TYRO3: variants seen among roughly 807,000 people sequenced by gnomAD.
The protein encoded by TYRO3 is tyrosine-protein kinase receptor TYRO3.
In TYRO3, 38 loss-of-function variants were observed where a neutral mutation model predicts 95.2. The observed-to-expected ratio is 0.40, with a 90% CI of 0.31 to 0.52. TYRO3 has a LOEUF of 0.52. Among genes scored for constraint, TYRO3 ranks in the 20% least tolerant of loss-of-function variants. The probability of loss-of-function intolerance (pLI) is 0.56; values close to 1 mark genes in which losing one functional copy is unlikely to be tolerated. For missense variants in TYRO3, 812 were observed against 1,116.4 expected, an observed-to-expected ratio of 0.73 and a Z score of 3.89; for synonymous variants, 367 against 432.9, an observed-to-expected ratio of 0.85 and a Z score of 1.89.
chr15:41,567,284 C>T, intron 6 of TYRO3, 76 bp from the exon 7 acceptor site: 1 of 1,293,750 alleles, frequency 7.7e-7, no homozygotes, highest in Non-Finnish European at 1.0e-6. Flanking sequence ...CATTCAAGCA[C>T]CCATAACTAT....
intron 3 of TYRO3, chr15:41,562,036 T>C (rs1011332940): frequency 5.5e-6 from 1 of 180,380 alleles, no homozygotes; most frequent in Non-Finnish European, 1.1e-5. Context: ...CAAAGGGCCC[T>C]GAATGGGAGC....
At chr15:41,561,016 G>A in intron 1 of TYRO3, 111 bp from the exon 2 acceptor site, 1 of 1,313,792 alleles carries the variant, frequency 7.6e-7, no homozygotes, top group Non-Finnish European at 1.1e-6. Context: ...GACTTTGGCT[G>A]AGAAAGAGCC....
chr15:41,562,250 C>G (rs1183840302), intron 3 of TYRO3: 1 of 253,672 alleles, frequency 3.9e-6, no homozygotes, highest in African/African-American at 2.4e-5. Context: ...ACTCCGGAGG[C>G]TAAGGCCAGA....
chr15:41,573,565 T>C, intron 17 of TYRO3, 98 bp downstream of exon 17: 1 of 1,491,300 alleles, frequency 6.7e-7, no homozygotes, highest in Admixed American at 1.8e-5. Context: ...TGGGGTTTGG[T>C]TGCCCCCTGA....
In TYRO3 at chr15:41,572,445, G is replaced by A. The variant is rs762188957; in HGVS notation, c.1756G>A (p.Val586Ile). The A allele has an allele frequency of 1.2e-6, 2 of 1,614,132 alleles. No individual in the cohort carries two copies. The highest frequency in any genetic ancestry group is 2.2e-5 in the East Asian group (1 of 44,878). Residue 586 changes from valine (V) to isoleucine (I), a missense_variant and splice_region_variant, in exon 15 of 19, where the codon GTA becomes ATA. By Grantham distance (29) the Val-to-Ile change is conservative. Transcript: ENST00000263798. ...DHPHVAKLVG[V>I]SLRSRAKGRL... is the part of the protein sequence containing the mutation. ...CTCCTGACTCTCCCTTGTCCCAGGGGTAAGCCTCCGGAGCAGGGCTAAAGG... is the reference window on the plus strand; with the variant it reads ...CTCCTGACTCTCCCTTGTCCCAGGGATAAGCCTCCGGAGCAGGGCTAAAGG...
chr15:41,570,330 C>T lies in TYRO3; in HGVS notation c.1473C>T (p.Ile491=), dbSNP rs948937737. ...RSFNRERPER[I]EATLDSLGIS... is the part of the protein sequence containing the mutation. The stretch of plus-strand genomic sequence containing the variant: ...TCAATCGAGAAAGGCCCGAGCGCAT[C>T]GAGGCCACATGTGAGTGGTGGGTGA... Residue 491 remains isoleucine (I), a synonymous_variant, in exon 11 of 19, where the codon ATC becomes ATT. Coordinates refer to ENST00000263798, the MANE Select transcript of TYRO3 (RefSeq NM_006293.4). 34 of 1,614,014 alleles carry T rather than the reference C, an allele frequency of 2.1e-5. No homozygotes were observed. Among genetic ancestry groups the T allele is most frequent in the Non-Finnish European group, 2.5e-5 (29 of 1,179,966 alleles).
At chr15:41,573,606 T>C in intron 17 of TYRO3, 73 bp from the exon 18 acceptor site, 1 of 1,447,008 alleles carries the variant, frequency 6.9e-7, no homozygotes, top group Non-Finnish European at 9.4e-7. Flanking sequence ...TGTGCTTGTC[T>C]CAGAGCCATG....
chr15:41,567,616 T>A (rs2055740896), intron 7 of TYRO3, 79 bp downstream of exon 7: 2 of 1,310,968 alleles, frequency 1.5e-6, no homozygotes, highest in Admixed American at 5.5e-5. Flanking sequence ...TTCTGAATGG[T>A]GCTGGTAGAG....
intron 18 of TYRO3, among the ~76,000 whole-genome samples, chr15:41,577,017 C>T (rs965987876): frequency 2.0e-5 from 3 of 152,066 alleles, no homozygotes; most frequent in South Asian, 2.1e-4. Context: ...GGAGGGACTT[C>T]GGAGTCAACC....
intron 5 of TYRO3, chr15:41,564,821 C>A: frequency 1.8e-6 from 1 of 560,526 alleles, no homozygotes; most frequent in South Asian, 2.1e-5. Context: ...CCTCTCTCCA[C>A]AGCCCAGGCA....
chr15:41,562,470 A>G (rs545374165), intron 3 of TYRO3, 78 bp from the exon 4 acceptor site: 43 of 1,529,406 alleles, frequency 2.8e-5, no homozygotes, highest in Non-Finnish European at 3.7e-5. Context: ...AGGACTTCAG[A>G]TGTAAACAGA....
chr15:41,564,327 T>G, intron 5 of TYRO3, 57 bp downstream of exon 5: 13 of 1,509,270 alleles, frequency 8.6e-6, no homozygotes, highest in Non-Finnish European at 1.0e-5. Flanking sequence ...CCCAGCGAGC[T>G]GTCCAGCAGT....
Position 41,567,434 on chromosome 15 carries a change from G to C in TYRO3, c.858G>C (p.Arg286=). ...TGCCCCCCTTTACCTGCCTGCTCCGGGACCTGGTGCCTGCCACCAACTACA... is the reference window on the plus strand; with the variant it reads ...TGCCCCCCTTTACCTGCCTGCTCCGCGACCTGGTGCCTGCCACCAACTACA... ...VPVPPFTCLL[R]DLVPATNYSL... Residue 286 remains arginine (R), a synonymous_variant, in exon 7 of 19, where the codon CGG becomes CGC. Transcript: ENST00000263798. 6.2e-7 allele frequency: 1 copy of C among 1,610,022 alleles called. No homozygotes were observed. The highest frequency in any genetic ancestry group is 8.5e-7 in the Non-Finnish European group (1 of 1,178,590).
chr15:41,568,809 G>C, intron 8 of TYRO3, 69 bp from the exon 9 acceptor site: 1 of 1,548,778 alleles, frequency 6.5e-7, no homozygotes, highest in Non-Finnish European at 8.7e-7. Flanking sequence ...ACCTTTTTCT[G>C]TCCTCAGGCC....
chr15:41,574,244 TC>T (rs2055835927), intron 18 of TYRO3, among the ~76,000 whole-genome samples: 1 of 152,168 alleles, frequency 6.6e-6, no homozygotes, highest in African/African-American at 2.4e-5. Context: ...TAAGAAAACT[TC>T]CTAGGCTGAG....
At position 41,578,128 on chromosome 15, in the gene TYRO3, G is replaced by A. The variant is rs147314538; in HGVS notation, c.2525G>A (p.Gly842Asp). ...GDGSGMGAVG[G>D]TPSDCRYILT... ...GGCAGTGGCATGGGGGCAGTGGGTG[G>A]CACTCCCAGTGACTGTCGGTACATA... The change falls in exon 19 of 19, where the codon GGC (glycine) becomes GAC (aspartate). Residue 842 changes from glycine (G) to aspartate (D), a missense_variant. Coordinates refer to ENST00000263798, the MANE Select transcript of TYRO3 (RefSeq NM_006293.4). The A allele has an allele frequency of 6.9e-5, 112 of 1,613,884 alleles. No homozygotes were observed. In the African/African-American group the frequency reaches 1.4e-3, roughly 20 times the overall value.
chr15:41,567,992 G>T (rs907056951), intron 7 of TYRO3, among the ~76,000 whole-genome samples: 20 of 152,162 alleles, frequency 1.3e-4, no homozygotes, highest in Non-Finnish European at 1.2e-4. Flanking sequence ...AGTAACCATG[G>T]TGATGAAGAG....
chr15:41,560,985 C>T (rs548222325), intron 1 of TYRO3, 142 bp from the exon 2 acceptor site: 33 of 1,016,230 alleles, frequency 3.2e-5, no homozygotes, highest in South Asian at 3.2e-4. Flanking sequence ...CCCTTCCACA[C>T]TGTCCTACCT....
intron 5 of TYRO3, 178 bp from the exon 6 acceptor site, chr15:41,564,848 C>G: frequency 1.7e-6 from 1 of 595,504 alleles, no homozygotes; most frequent in South Asian, 1.9e-5. Flanking sequence ...CAGGTGTGAG[C>G]AGCTGTGCCC....
Sources: gnomAD v4.1 joint callset for allele counts (sites outside exome capture counted in the v4.1 genomes callset) on GRCh38, gnomAD v4.1.1 for gene constraint, MANE v1.5 for transcripts, NCBI Gene and HGNC (gene_info 2026-07-23, HGNC 2026-07-21) for gene names.